Variants in CFAP54 observed in about 807,000 individuals in gnomAD.
CFAP54 encodes cilia- and flagella-associated protein 54.
CFAP54 carries 290 observed loss-of-function variants against 370.4 expected under a neutral mutation model. The ratio of observed to expected loss-of-function variants is 0.78; its 90% CI spans 0.71 to 0.86. The LOEUF (loss-of-function observed/expected upper bound fraction) is 0.86. Among genes scored for constraint, CFAP54 ranks in the 40% least tolerant of loss-of-function variants. The probability of loss-of-function intolerance (pLI) is 0.00; values close to 1 mark genes in which losing one functional copy is unlikely to be tolerated. For missense variants in CFAP54, 3,399 were observed against 3,528.7 expected (o/e 0.96, Z 0.93); for synonymous variants, 1,206 against 1,236.5 (o/e 0.98, Z 0.52).
In CFAP54 at chr12:96,724,882, C is replaced by G. The variant is rs1038101385; in HGVS notation, c.6965+4317C>G. Among the ~76,000 whole-genome samples, 8 of 152,310 alleles carry G rather than the reference C, an allele frequency of 5.3e-5. No homozygotes were observed. The East Asian group carries it at 1.5e-3, about 29-fold the overall frequency. Reference sequence around the variant, plus strand: ...GTGTAAGGAAGGGATCCAGTTTCAGCTTTCTCCATATAGCTAGCCATTTTT... The same window carrying G: ...GTGTAAGGAAGGGATCCAGTTTCAGGTTTCTCCATATAGCTAGCCATTTTT... On this transcript the variant is annotated intron_variant, in intron 50 of 67. Coordinates refer to ENST00000524981, the MANE Select transcript of CFAP54 (RefSeq NM_001306084.2).
intron 55 of CFAP54, 114 bp from the exon 56 acceptor site, chr12:96,753,629 C>T (rs1462426081): frequency 1.9e-6 from 2 of 1,027,856 alleles, no homozygotes; most frequent in African/African-American, 1.6e-5. Context: ...ACTGTAAAAA[C>T]TACCAAAGTT....
intron 63 of CFAP54, among the ~76,000 whole-genome samples, chr12:96,799,767 T>C (rs1958803015): frequency 6.6e-6 from 1 of 152,194 alleles, no homozygotes; most frequent in African/African-American, 2.4e-5. Flanking sequence ...TTTAGGGGAA[T>C]GTAGTGCAGT....
chr12:96,685,172 A>G lies in CFAP54; in HGVS notation c.5948A>G (p.Glu1983Gly), dbSNP rs1957313116. Residue 1983 changes from glutamate to glycine, a missense_variant, in exon 42 of 68, where the codon GAG becomes GGG. By Grantham distance (98) the Glu-to-Gly change is moderately conservative. This residue lies in a region of CFAP54 where 2,796 missense variants were observed against 2,869.7 expected (regional missense o/e 0.97). Transcript: ENST00000524981. ...SPPGFKDYSE[E>G]FLSRVGIWGC... is the part of the protein sequence containing the mutation. The stretch of plus-strand genomic sequence containing the variant: ...CCGGGTTTCAAAGACTACAGTGAGG[A>G]GTTTCTGTCAAGAGTTGGCATCTGG... The G allele has an allele frequency of 6.2e-7, 1 of 1,613,970 alleles. No homozygotes were observed. The highest frequency in any genetic ancestry group is 8.5e-7 in the Non-Finnish European group (1 of 1,179,998).
chr12:96,830,004 C>A (rs1002226532), intron 66 of CFAP54, among the ~76,000 whole-genome samples: 1 of 152,136 alleles, frequency 6.6e-6, no homozygotes, highest in Non-Finnish European at 1.5e-5. Flanking sequence ...GCTTATTTCA[C>A]TTAGCATAAT....
intron 26 of CFAP54, among the ~76,000 whole-genome samples, chr12:96,616,473 G>T (rs1383822315): frequency 6.6e-6 from 1 of 152,136 alleles, no homozygotes; most frequent in African/African-American, 2.4e-5. Context: ...TAACAAAACT[G>T]CATGTTGTAC....
chr12:96,857,683 G>A (rs566705710), intron 66 of CFAP54, among the ~76,000 whole-genome samples: 4 of 152,134 alleles, frequency 2.6e-5, no homozygotes, highest in African/African-American at 9.7e-5. Flanking sequence ...CCCCCATGCT[G>A]TTCTTGTGAT....
intron 26 of CFAP54, among the ~76,000 whole-genome samples, chr12:96,619,054 G>C (rs1261181323): frequency 1.3e-5 from 2 of 152,104 alleles, no homozygotes; most frequent in Non-Finnish European, 2.9e-5. Context: ...TGTAGAGACA[G>C]GGTTTTGCCA....
chr12:96,699,211 G>A (rs1045679934), intron 45 of CFAP54, among the ~76,000 whole-genome samples: 4 of 152,208 alleles, frequency 2.6e-5, no homozygotes, highest in Admixed American at 2.6e-4. Flanking sequence ...CTGATTGGTT[G>A]CGGACAGCCA....
At chr12:96,546,777 C>T (rs1043286480) in intron 14 of CFAP54, among the ~76,000 whole-genome samples, 9 of 150,456 alleles carry the variant, frequency 6.0e-5, no homozygotes, top group African/African-American at 2.2e-4. Flanking sequence ...TACAGTGAGC[C>T]GAGATCATGC....
chr12:96,671,438 C>G (rs1369635173), intron 39 of CFAP54, among the ~76,000 whole-genome samples: 1 of 152,072 alleles, frequency 6.6e-6, no homozygotes, highest in Non-Finnish European at 1.5e-5. Flanking sequence ...CCTGATAAAA[C>G]GTAAGCTTTA....
At chr12:96,605,926 T>C (rs1182774719) in intron 26 of CFAP54, among the ~76,000 whole-genome samples, 1 of 152,112 alleles carries the variant, frequency 6.6e-6, no homozygotes, top group Admixed American at 6.6e-5. Context: ...AATTGGTGAA[T>C]TGGTTGAATG....
At position 96,598,718 on chromosome 12, in the gene CFAP54, T is replaced by G. The variant is rs573352715; in HGVS notation, c.3590T>G (p.Phe1197Cys). The change falls in exon 26 of 68, where the codon TTT becomes TGT. Residue 1197 changes from phenylalanine to cysteine, a missense_variant. By Grantham distance (205) the Phe-to-Cys change is radical (BLOSUM62 -2). Transcript: ENST00000524981. Reference sequence around the variant, plus strand: ...TGCTCGAAGAAACATACTGCGAGCTTTGAAAGTATACAACACATGATAGCT... The same window carrying G: ...TGCTCGAAGAAACATACTGCGAGCTGTGAAAGTATACAACACATGATAGCT... Reference protein sequence around the residue: ...IVCSKKHTASFESIQHMIACC... With the variant: ...IVCSKKHTASCESIQHMIACC... 1.5e-6 allele frequency: 1 copy of G among 682,394 alleles called. No individual in the cohort carries two copies. The highest frequency in any genetic ancestry group is 2.7e-6 in the Non-Finnish European group (1 of 373,426). The allele number at this position is 682,394 out of a possible 1,614,324, so 42.3% of individuals were successfully genotyped here.
chr12:96,784,989 C>G, intron 61 of CFAP54, 99 bp downstream of exon 61: 1 of 965,588 alleles, frequency 1.0e-6, no homozygotes, highest in Non-Finnish European at 1.4e-6. Flanking sequence ...TGACATCTTT[C>G]TGAGTGACTG....
chr12:96,685,263 C>G (rs7974435), intron 42 of CFAP54, 25 bp downstream of exon 42: 1,055,314 of 1,606,982 alleles, frequency 0.66, 351,047 homozygotes, highest in African/African-American at 0.87. Context: ...GGAAGGATCC[C>G]CGTACTAGCT....
intron 67 of CFAP54, among the ~76,000 whole-genome samples, chr12:96,864,883 A>G (rs1959965092): frequency 6.6e-6 from 1 of 152,192 alleles, no homozygotes; most frequent in South Asian, 2.1e-4. Flanking sequence ...GGATGCCCAT[A>G]AAACCTGAAA....
chr12:96,838,499 A>AT (rs1307329864), intron 66 of CFAP54, among the ~76,000 whole-genome samples: 2 of 152,158 alleles, frequency 1.3e-5, no homozygotes, highest in African/African-American at 4.8e-5. Flanking sequence ...TCAAGAAACA[A>AT]TCATGGCAGA....
At chr12:96,600,857 G>T (rs933303092) in intron 26 of CFAP54, among the ~76,000 whole-genome samples, 3 of 152,152 alleles carry the variant, frequency 2.0e-5, no homozygotes, top group Non-Finnish European at 4.4e-5. Flanking sequence ...AGGAGATTTT[G>T]GGCTGAGATG....
chr12:96,552,960 T>G lies in CFAP54; in HGVS notation c.2155-1222T>G, dbSNP rs1418097296. On this transcript the variant is annotated intron_variant, in intron 15 of 67. Transcript: ENST00000524981. ...CATAGTGGCGAATAGATGATATGAG[T>G]TTACCAGGCATGCTGAGCAAACTCT... 2.0e-5 allele frequency among the ~76,000 whole-genome samples: 3 copies of G among 152,090 alleles called. No homozygotes were observed. The East Asian group carries it at 5.8e-4, about 29-fold the overall frequency.
chr12:96,546,828 C>CAA (rs58288683), intron 14 of CFAP54, among the ~76,000 whole-genome samples: 61 of 139,918 alleles, frequency 4.4e-4, no homozygotes, highest in South Asian at 1.4e-3. Flanking sequence ...GACTCCATCT[C>CAA]AAAAAAAAAA....
Sources: allele counts gnomAD v4.1 joint callset (sites outside exome capture counted in the v4.1 genomes callset), GRCh38; gene constraint gnomAD v4.1.1; regional missense constraint gnomAD v4.1.1; transcripts MANE v1.5; gene names NCBI Gene and HGNC (gene_info 2026-07-23, HGNC 2026-07-21).